The following HOMEZ variants were observed in gnomAD, a reference collection of about 807,000 sequenced individuals.
The protein encoded by HOMEZ is homeobox and leucine zipper protein Homez.
In HOMEZ, 20 loss-of-function variants were observed where a neutral mutation model predicts 50.1. The ratio of observed to expected loss-of-function variants is 0.40; its 90% CI spans 0.28 to 0.58. The LOEUF (loss-of-function observed/expected upper bound fraction) is 0.58, where lower values mean the gene tolerates loss of function less well. HOMEZ is among the 20% of genes least tolerant of loss of function. The pLI is 0.46. For missense variants in HOMEZ, 579 were observed against 680.5 expected (o/e 0.85, Z 1.66); for synonymous variants, 239 against 254.7 (o/e 0.94, Z 0.59).
At position 23,276,738 on chromosome 14, in the gene HOMEZ, C is replaced by A. The variant is rs1183302975; in HGVS notation, c.490G>T (p.Gly164Cys). 6.2e-7 allele frequency: 1 copy of A among 1,614,020 alleles called. No homozygotes were observed. Among genetic ancestry groups the A allele is most frequent in the African/African-American group, 1.3e-5 (1 of 75,050 alleles). The change falls in exon 2 of 2, where the codon GGT becomes TGT. Residue 164 changes from glycine to cysteine, a missense_variant. Transcript: ENST00000357460. The surrounding 1 kb of genome is among the most constrained non-coding windows in gnomAD (Gnocchi z 4.1). ...AGAGTTGGAGGACCTATTCCAATAC[C>A]AACTTGCTCTGGAGCTGGCACTGGA... ...PPPVPAPEQV[G>C]IGIGPPTLSK...
chr14:23,280,732 TTTATTTTA>T lies in HOMEZ; in HGVS notation c.41-3553_41-3546del, dbSNP rs1402371110. Among the ~76,000 whole-genome samples the T allele has an allele frequency of 2.5e-3, 192 of 77,640 alleles. 9 individuals are homozygous for T. The highest frequency in any genetic ancestry group is 8.2e-3 in the African/African-American group (157 of 19,252). 50.9% of individuals were successfully genotyped at this position (77,640 alleles called of 152,430 possible). A position where few individuals can be genotyped will look rare whatever the true frequency, so the allele number is the denominator to read the frequency against. On this transcript the variant is annotated intron_variant, in intron 1 of 1. Transcript: ENST00000357460. Reference sequence around the variant, plus strand: ...TTATTTTTATTTTATTTTATTTTATTTTATTTTATTATTTTATTTTATTTTATTTTATT... The same window carrying T: ...TTATTTTTATTTTATTTTATTTTATTTTATTTTATTTTATTTTATTTTATT...
chr14:23,282,625 G>GATAAGGAAAATAAAGC (rs1566452001), intron 1 of HOMEZ, among the ~76,000 whole-genome samples: 2 of 152,132 alleles, frequency 1.3e-5, no homozygotes, highest in Non-Finnish European at 2.9e-5. Context: ...ACACTTTAGA[G>GATAAGGAAAATAAAGC]ATAAGGAAAA....
Position 23,272,733 on chromosome 14 carries a change from C to T in HOMEZ, c.*2842G>A, listed in dbSNP as rs113399445. 2.2e-4 allele frequency: 182 copies of T among 812,132 alleles called. 1 individual carries two copies. The highest frequency in any genetic ancestry group is 1.5e-3 in the African/African-American group (87 of 58,788). 50.3% of individuals were successfully genotyped at this position (812,132 alleles called of 1,614,324 possible). The stretch of plus-strand genomic sequence containing the variant: ...GAAGCAAAAGCAGTGGTGTCTGTCT[C>T]GATAAGCTTCATACAACAGGTCAGA... On this transcript the variant is annotated 3_prime_UTR_variant, in exon 2 of 2. Transcript: ENST00000357460.
intron 1 of HOMEZ, among the ~76,000 whole-genome samples, chr14:23,280,709 A>ATTTTATTTTTGTATATTTTAT (rs1594964856): frequency 6.0e-5 from 3 of 49,798 alleles, no homozygotes; most frequent in Admixed American, 4.6e-4. Flanking sequence ...TTATATTTTT[A>ATTTTATTTTTGTATATTTTAT]TTTTTATTTT....
Position 23,275,621 on chromosome 14 carries a change from T to C in HOMEZ, c.1607A>G (p.Glu536Gly), listed in dbSNP as rs777600282. Residue 536 changes from glutamate (E) to glycine (G), a missense_variant, in exon 2 of 2, where the codon GAG becomes GGG. Glu to Gly is a moderately conservative substitution (Grantham distance 98). Transcript: ENST00000357460. ...EDDEEEEEEE[E>G]EDDDDDDDDV... ...ATCATCATCATCATCATCATCTTCC[T>C]CCTCCTCCTCCTCCTCTTCCTCATC... 5.1e-6 allele frequency: 7 copies of C among 1,384,496 alleles called. No homozygotes were observed. In the South Asian group the frequency reaches 9.5e-5, roughly 19 times the overall value. The allele number at this position is 1,384,496 out of a possible 1,614,324, so 85.8% of individuals were successfully genotyped here.
chr14:23,283,680 A>C (rs1594966790), intron 1 of HOMEZ, among the ~76,000 whole-genome samples: 1 of 152,204 alleles, frequency 6.6e-6, no homozygotes, highest in Non-Finnish European at 1.5e-5. Flanking sequence ...GGATCACTTG[A>C]GGTCAGGAGT....
At position 23,284,152 on chromosome 14, in the gene HOMEZ, A is replaced by G. The variant is rs1276620137; in HGVS notation, c.40+1761T>C. 2.6e-5 allele frequency among the ~76,000 whole-genome samples: 4 copies of G among 152,222 alleles called. No homozygotes were observed. In the East Asian group the frequency reaches 7.7e-4, roughly 29 times the overall value. The stretch of plus-strand genomic sequence containing the variant: ...CCAAAATAAACATTCACACTTACAC[A>G]ATAAACTCAGGGGCTTTAGTTGCTG... On this transcript the variant is annotated intron_variant, in intron 1 of 1. Coordinates refer to ENST00000357460, the MANE Select transcript of HOMEZ (RefSeq NM_020834.3).
intron 1 of HOMEZ, among the ~76,000 whole-genome samples, chr14:23,277,395 C>T (rs557926461): frequency 1.1e-3 from 166 of 152,292 alleles, no homozygotes; most frequent in African/African-American, 3.7e-3. Context: ...TTTCTGTGGA[C>T]CAAAGTCCAT....
chr14:23,280,710 TTTTTATTTTATTTTA>T (rs1310956438), intron 1 of HOMEZ, among the ~76,000 whole-genome samples: 14 of 62,102 alleles, frequency 2.3e-4, no homozygotes, highest in East Asian at 1.4e-3. Flanking sequence ...TATATTTTTA[TTTTTATTTTATTTTA>T]TTTTATTTTA....
chr14:23,285,891 C>G (rs1229438671), intron 1 of HOMEZ, 22 bp downstream of exon 1: 4 of 1,239,086 alleles, frequency 3.2e-6, no homozygotes, highest in Non-Finnish European at 4.1e-6. Flanking sequence ...AGGGGAAGTC[C>G]AAGGGGCTGG....
At chr14:23,280,709 A>ATTTTATTTTATT (rs1594964856) in intron 1 of HOMEZ, among the ~76,000 whole-genome samples, 16 of 49,808 alleles carry the variant, frequency 3.2e-4, no homozygotes, top group African/African-American at 8.9e-4. Flanking sequence ...TTATATTTTT[A>ATTTTATTTTATT]TTTTTATTTT....
At position 23,285,779 on chromosome 14, in the gene HOMEZ, A is replaced by G. The variant is rs193127537; in HGVS notation, c.40+134T>C. ...AACAGGGGAGGGAACCGAAAAGTCC[A>G]GAGGAGAAAAAAGAGAGAACCGGGC... On this transcript the variant is annotated intron_variant, in intron 1 of 1. Transcript: ENST00000357460. 432 of 471,128 alleles carry G rather than the reference A, an allele frequency of 9.2e-4. 2 individuals are homozygous for G. The highest frequency in any genetic ancestry group is 7.7e-3 in the African/African-American group (387 of 49,944). 29.2% of individuals were successfully genotyped at this position (471,128 alleles called of 1,614,324 possible).
chr14:23,277,167 A>G lies in HOMEZ; in HGVS notation c.61T>C (p.Ser21Pro). 1 of 1,590,598 alleles carries G rather than the reference A, an allele frequency of 6.3e-7. No homozygotes were observed. Among genetic ancestry groups the G allele is most frequent in the African/African-American group, 1.3e-5 (1 of 74,546 alleles). ...LDCAISEGHK[S>P]EGTMPPNKEA... is the part of the protein sequence containing the mutation. ...TTATTAGGAGGCATGGTGCCTTCTG[A>G]TTTGTGCCCTTCAGAGATAGCTGCA... The change falls in exon 2 of 2, where the codon TCA becomes CCA. Residue 21 changes from serine (S) to proline (P), a missense_variant. Coordinates refer to ENST00000357460, the MANE Select transcript of HOMEZ (RefSeq NM_020834.3).
At position 23,276,547 on chromosome 14, in the gene HOMEZ, G is replaced by C; in HGVS notation, c.681C>G (p.Gly227=). 6.2e-7 allele frequency: 1 copy of C among 1,614,022 alleles called. No individual in the cohort carries two copies. The highest frequency in any genetic ancestry group is 1.7e-5 in the Admixed American group (1 of 60,018). ...SDFWQHLQSS[G]LSKEQAGRGP... is the part of the protein sequence containing the mutation. ...CCCTGCCTGCCTGCTCCTTTGAGAG[G>C]CCACTGCTTTGAAGATGTTGCCAAA... is the stretch of plus-strand genomic sequence containing the variant. The change falls in exon 2 of 2, where the codon GGC becomes GGG. Residue 227 remains glycine (G), a synonymous_variant. Transcript: ENST00000357460. The surrounding 1 kb of genome is among the most constrained non-coding windows in gnomAD (Gnocchi z 4.1).
intron 1 of HOMEZ, among the ~76,000 whole-genome samples, chr14:23,281,825 A>ATAG (rs1364169373): frequency 1.4e-5 from 2 of 147,820 alleles, no homozygotes; most frequent in East Asian, 3.9e-4. Context: ...AATAATAATA[A>ATAG]TAATAATAAT....
chr14:23,285,894 G>T lies in HOMEZ; in HGVS notation c.40+19C>A. The T allele has an allele frequency of 8.1e-7, 1 of 1,240,786 alleles. No homozygotes were observed. The highest frequency in any genetic ancestry group is 1.0e-6 in the Non-Finnish European group (1 of 980,810). The allele number at this position is 1,240,786 out of a possible 1,614,324, so 76.9% of individuals were successfully genotyped here. A position where few individuals can be genotyped will look rare whatever the true frequency, so the allele number is the denominator to read the frequency against. On this transcript the variant is annotated intron_variant, in intron 1 of 1. Coordinates refer to ENST00000357460, the MANE Select transcript of HOMEZ (RefSeq NM_020834.3). ...ACACGAGCTGGGAGGGGAAGTCCAAGGGGCTGGGGATCACTCACCGCAGTC... is the reference window on the plus strand; with the variant it reads ...ACACGAGCTGGGAGGGGAAGTCCAATGGGCTGGGGATCACTCACCGCAGTC...
chr14:23,283,633 G>A (rs577354739), intron 1 of HOMEZ, among the ~76,000 whole-genome samples: 3 of 152,304 alleles, frequency 2.0e-5, no homozygotes, highest in Admixed American at 1.3e-4. Flanking sequence ...AATGGCTCAC[G>A]CCTGTAGTCC....
rs1392232682 is a variant in HOMEZ, at chr14:23,275,067, G to A, written c.*508C>T. 2 of 153,282 alleles carry A rather than the reference G, an allele frequency of 1.3e-5. No individual in the cohort carries two copies. Among genetic ancestry groups the A allele is most frequent in the Non-Finnish European group, 2.9e-5 (2 of 68,914 alleles). The allele number at this position is 153,282 out of a possible 1,614,324, so 9.5% of individuals were successfully genotyped here. ...TGTCTAGGAAATGATCAGTTACTAA[G>A]AAAAAAGTAAGAGAGTCAGTTGCAT... On this transcript the variant is annotated 3_prime_UTR_variant, in exon 2 of 2. Coordinates refer to ENST00000357460, the MANE Select transcript of HOMEZ (RefSeq NM_020834.3).
At chr14:23,278,658 C>A (rs1178246639) in intron 1 of HOMEZ, among the ~76,000 whole-genome samples, 3 of 151,460 alleles carry the variant, frequency 2.0e-5, no homozygotes, top group Non-Finnish European at 4.4e-5. Context: ...GCCACTGTAC[C>A]CGGCCCTCAG....
Sources: allele counts gnomAD v4.1 joint callset (sites outside exome capture counted in the v4.1 genomes callset), GRCh38; gene constraint gnomAD v4.1.1; non-coding constraint Gnocchi (gnomAD v3.1); transcripts MANE v1.5; gene names NCBI Gene and HGNC (gene_info 2026-07-23, HGNC 2026-07-21).